Variants in DAB1 observed in about 807,000 individuals in gnomAD.
DAB1 encodes the protein DAB adaptor protein 1.
In DAB1, 15 loss-of-function variants were observed where a neutral mutation model predicts 64.6. The ratio of observed to expected loss-of-function variants is 0.23; its 90% CI spans 0.16 to 0.36. DAB1 has a LOEUF of 0.36. DAB1 is among the 10% of genes least tolerant of loss of function. The pLI, the probability that DAB1 is intolerant of heterozygous loss-of-function variation, is 1.00. For missense variants in DAB1, 596 were observed against 706.7 expected (o/e 0.84, Z 1.78); for synonymous variants, 235 against 251.9 (o/e 0.93, Z 0.64).
intron 3 of DAB1, chr1:58,473,899 G>C (rs913775077): frequency 5.2e-5 from 49 of 950,910 alleles, no homozygotes; most frequent in Non-Finnish European, 7.1e-5. Context: ...TCTGTGTTCT[G>C]GATGAAGCTG....
intron 4 of DAB1, among the ~76,000 whole-genome samples, chr1:57,100,247 T>C (rs1286989320): frequency 6.6e-6 from 1 of 152,214 alleles, no homozygotes; most frequent in Non-Finnish European, 1.5e-5. Flanking sequence ...AATTAATACA[T>C]AGAAGTGCTT....
At chr1:58,127,228 C>G (rs886824088) in intron 5 of DAB1, among the ~76,000 whole-genome samples, 46 of 152,292 alleles carry the variant, frequency 3.0e-4, no homozygotes, top group African/African-American at 1.0e-3. Flanking sequence ...AGCATTTTTT[C>G]ATGTGTTTCT....
chr1:57,464,083 A>T (rs1686878020), intron 7 of DAB1, among the ~76,000 whole-genome samples: 1 of 152,180 alleles, frequency 6.6e-6, no homozygotes, highest in Non-Finnish European at 1.5e-5. Context: ...ATACTTTCTA[A>T]CATTTCATGA....
At chr1:57,920,576 T>G (rs2102021968) in intron 5 of DAB1, among the ~76,000 whole-genome samples, 1 of 152,228 alleles carries the variant, frequency 6.6e-6, no homozygotes, top group South Asian at 2.1e-4. Flanking sequence ...CAGTCCGACG[T>G]GGAGTCAGGC....
At position 57,659,604 on chromosome 1, in the gene DAB1, C is replaced by A. The variant is rs796253976; in HGVS notation, n.552-9939G>T. Among the ~76,000 whole-genome samples the A allele has an allele frequency of 1.6e-4, 25 of 152,234 alleles. 2 individuals carry two copies. Among genetic ancestry groups the A allele is most frequent in the African/African-American group, 5.8e-4 (24 of 41,530 alleles). On this transcript the variant is annotated intron_variant and non_coding_transcript_variant, in intron 6 of 20. Coordinates refer to the DAB1 transcript ENST00000485760. Reference sequence around the variant, plus strand: ...TCCCTGACCAGTGTGCTCATTTACTCATGAGTAAAATAAGGAGTTTTGACT... The same window carrying A: ...TCCCTGACCAGTGTGCTCATTTACTAATGAGTAAAATAAGGAGTTTTGACT...
chr1:57,963,975 C>T (rs1459388934), intron 5 of DAB1, among the ~76,000 whole-genome samples: 1 of 152,162 alleles, frequency 6.6e-6, no homozygotes, highest in Non-Finnish European at 1.5e-5. Context: ...ACATTGGACA[C>T]CATTTGCCTT....
At chr1:57,616,983 C>T (rs1524724) in intron 7 of DAB1, among the ~76,000 whole-genome samples, 142,589 of 152,234 alleles carry the variant, frequency 0.94, 67,054 homozygotes, top group East Asian at 1. Context: ...TGAGTGTTTC[C>T]CTCTGGGCAT....
chr1:57,181,117 A>G (rs1035573057), intron 2 of DAB1, among the ~76,000 whole-genome samples: 6 of 152,188 alleles, frequency 3.9e-5, no homozygotes, highest in Non-Finnish European at 7.3e-5. Flanking sequence ...AGAGCATGTA[A>G]CCCGGTGCTA....
intron 7 of DAB1, among the ~76,000 whole-genome samples, chr1:57,447,419 C>T (rs989942460): frequency 9.2e-5 from 14 of 152,188 alleles, no homozygotes; most frequent in African/African-American, 3.4e-4. Context: ...ACTTATCTCT[C>T]TCTGGGCAGC....
At chr1:58,112,179 G>A (rs1652001991) in intron 5 of DAB1, among the ~76,000 whole-genome samples, 1 of 152,094 alleles carries the variant, frequency 6.6e-6, no homozygotes, top group South Asian at 2.1e-4. Context: ...ACTCCAACTG[G>A]AGGAGCCCCT....
chr1:58,037,530 G>C (rs910933747), intron 5 of DAB1, among the ~76,000 whole-genome samples: 2 of 152,178 alleles, frequency 1.3e-5, no homozygotes, highest in Non-Finnish European at 2.9e-5. Flanking sequence ...ATTGTGAACT[G>C]TGCATGTGAG....
intron 14 of DAB1, among the ~76,000 whole-genome samples, chr1:57,001,945 T>A (rs2100208739): frequency 6.6e-6 from 1 of 152,260 alleles, no homozygotes; most frequent in Non-Finnish European, 1.5e-5. Context: ...TACACTGAGC[T>A]CCACTGGGCC....
intron 7 of DAB1, among the ~76,000 whole-genome samples, chr1:57,646,553 C>T (rs941527020): frequency 3.3e-5 from 5 of 152,060 alleles, no homozygotes; most frequent in African/African-American, 9.7e-5. Context: ...TTCAAGATTA[C>T]CCTGAGCCAC....
At chr1:58,108,315 G>T (rs936477846) in intron 5 of DAB1, among the ~76,000 whole-genome samples, 11 of 152,268 alleles carry the variant, frequency 7.2e-5, no homozygotes, top group Middle Eastern at 3.4e-3. Context: ...GGGATAGACA[G>T]AATTGAGAGA....
intron 3 of DAB1, among the ~76,000 whole-genome samples, chr1:58,350,378 T>A (rs1237303069): frequency 3.9e-5 from 6 of 152,192 alleles, no homozygotes; most frequent in Admixed American, 3.3e-4. Context: ...GCGGATAGAT[T>A]GTAAAAAATT....
At chr1:57,282,390 C>A (rs1472300069) in intron 2 of DAB1, among the ~76,000 whole-genome samples, 3 of 151,878 alleles carry the variant, frequency 2.0e-5, no homozygotes, top group African/African-American at 7.3e-5. Flanking sequence ...GAGATGGGAA[C>A]CACATTTCAA....
intron 4 of DAB1, among the ~76,000 whole-genome samples, chr1:58,195,479 A>T: frequency 6.6e-6 from 1 of 151,962 alleles, no homozygotes; most frequent in East Asian, 1.9e-4. Flanking sequence ...GAAGAAGAAG[A>T]GATAGAGAAA....
chr1:57,460,915 G>A lies in DAB1; in HGVS notation n.626-169749C>T, dbSNP rs548808409. Among the ~76,000 whole-genome samples, 7 of 152,082 alleles carry A rather than the reference G, an allele frequency of 4.6e-5. No individual in the cohort carries two copies. The East Asian group carries it at 5.8e-4, about 13-fold the overall frequency. On this transcript the variant is annotated intron_variant and non_coding_transcript_variant, in intron 7 of 20. Transcript: ENST00000485760. ...TTTTTTAAATTTAATTTTAAGTTCCGGGATACATGTGCAGGATGTGCAGGT... is the reference window on the plus strand; with the variant it reads ...TTTTTTAAATTTAATTTTAAGTTCCAGGATACATGTGCAGGATGTGCAGGT...
intron 7 of DAB1, among the ~76,000 whole-genome samples, chr1:57,491,315 C>T (rs947722049): frequency 1.3e-5 from 2 of 150,844 alleles, no homozygotes; most frequent in African/African-American, 4.8e-5. Flanking sequence ...GTAGTCCCAG[C>T]GACTCGGGAG....
Sources: gnomAD v4.1 joint callset for allele counts (sites outside exome capture counted in the v4.1 genomes callset) on GRCh38, gnomAD v4.1.1 for gene constraint, MANE v1.5 for transcripts, NCBI Gene and HGNC (gene_info 2026-07-23, HGNC 2026-07-21) for gene names.